The following ARPIN variants were observed in gnomAD, a reference collection of about 807,000 sequenced individuals.
ARPIN encodes the protein actin related protein 2/3 complex inhibitor, also known as UPF0552 protein C15orf38.
In ARPIN, 23 loss-of-function variants were observed where a neutral mutation model predicts 25.9. The ratio of observed to expected loss-of-function variants is 0.89; its 90% CI spans 0.64 to 1.26. ARPIN has a LOEUF of 1.26. ARPIN is among the 50% of genes most tolerant of loss of function. The pLI is 0.00. For missense variants in ARPIN, 333 were observed against 312.2 expected, an observed-to-expected ratio of 1.07 and a Z score of -0.50; for synonymous variants, 126 against 131.4, an observed-to-expected ratio of 0.96 and a Z score of 0.28.
At chr15:89,907,592 C>T (rs1897144959) in intron 3 of ARPIN, among the ~76,000 whole-genome samples, 1 of 152,146 alleles carries the variant, frequency 6.6e-6, no homozygotes, top group South Asian at 2.1e-4. Flanking sequence ...GACACTGAAT[C>T]TGCTGGCACC....
chr15:89,904,750 G>T (rs1326199451), intron 3 of ARPIN, among the ~76,000 whole-genome samples: 2 of 152,182 alleles, frequency 1.3e-5, no homozygotes, highest in Non-Finnish European at 2.9e-5. Context: ...CCTGCGCCAC[G>T]CCAAGCCCAG....
At position 89,912,937 on chromosome 15, in the gene ARPIN, C is replaced by G. The variant is rs1351805942; in HGVS notation, c.-102G>C. The G allele has an allele frequency of 3.7e-6, 5 of 1,367,106 alleles. No individual in the cohort carries two copies. The highest frequency in any genetic ancestry group is 3.8e-6 in the Non-Finnish European group (4 of 1,056,280). 84.7% of individuals were successfully genotyped at this position (1,367,106 alleles called of 1,614,324 possible). A position where few individuals can be genotyped will look rare whatever the true frequency, so the allele number is the denominator to read the frequency against. ...CGCGCGGGGACCCGCGATTCCCAGC[C>G]GGCGGATCCGGGAATGGCGCGGCCC... On this transcript the variant is annotated 5_prime_UTR_variant, in exon 1 of 6. Coordinates refer to ENST00000357484, the MANE Select transcript of ARPIN (RefSeq NM_182616.4).
intron 1 of ARPIN, among the ~76,000 whole-genome samples, chr15:89,911,174 TTAAG>T (rs1275731603): frequency 3.3e-5 from 5 of 152,250 alleles, no homozygotes; most frequent in Non-Finnish European, 5.9e-5. Context: ...TTGTAAGCTA[TTAAG>T]TGATTACTAA....
At chr15:89,902,075 A>G (rs934686889) in intron 5 of ARPIN, among the ~76,000 whole-genome samples, 1 of 152,170 alleles carries the variant, frequency 6.6e-6, no homozygotes, top group African/African-American at 2.4e-5. Flanking sequence ...TCCATTACCT[A>G]GATAAATAGT....
rs1231698727 is a variant in ARPIN at position 89,906,968 on chromosome 15, A to G, written c.301+1312T>C. ...AGACTTTGTCTCAGACAGCAAAAGA[A>G]AAGGAAAAAAAAAAAGTCAAACTCA... On this transcript the variant is annotated intron_variant, in intron 3 of 5. Coordinates refer to ENST00000357484, the MANE Select transcript of ARPIN (RefSeq NM_182616.4). Among the ~76,000 whole-genome samples the G allele has an allele frequency of 2.6e-5, 4 of 151,882 alleles. No individual in the cohort carries two copies. The East Asian group carries it at 7.7e-4, about 29-fold the overall frequency.
Position 89,903,277 on chromosome 15 carries a change from C to T in ARPIN, c.611G>A (p.Cys204Tyr), listed in dbSNP as rs772911979. The change falls in exon 5 of 6, where the codon TGT (cysteine) becomes TAT (tyrosine). Residue 204 changes from cysteine (C) to tyrosine (Y), a missense_variant. Coordinates refer to ENST00000357484, the MANE Select transcript of ARPIN (RefSeq NM_182616.4). ...SWTDNIMAQK[C>Y]SKGAAAEIRE... ...GATCTCCGCTGCAGCCCCCTTCGAA[C>T]ACTTTTGGGCCATGATGTTGTCTGT... 2.5e-6 allele frequency: 4 copies of T among 1,614,120 alleles called. No individual in the cohort carries two copies. The highest frequency in any genetic ancestry group is 1.3e-5 in the African/African-American group (1 of 74,940).
rs28754854 is a variant in ARPIN at position 89,898,026 on chromosome 15, A to T, written c.*3769T>A. 72,935 of 151,098 alleles carry T rather than the reference A, an allele frequency of 0.48. 17,931 individuals carry two copies. Among genetic ancestry groups the T allele is most frequent in the East Asian group, 0.6 (3,092 of 5,112 alleles). 9.4% of individuals were successfully genotyped at this position (151,098 alleles called of 1,614,324 possible). A position where few individuals can be genotyped will look rare whatever the true frequency, so the allele number is the denominator to read the frequency against. On this transcript the variant is annotated 3_prime_UTR_variant, in exon 6 of 6. Coordinates refer to ENST00000357484, the MANE Select transcript of ARPIN (RefSeq NM_182616.4). ...TAATCCTCCTGCTGAGGCAGGAGAAACTCTTGAACCTGGGAGGTGGAGGTT... is the reference window on the plus strand; with the variant it reads ...TAATCCTCCTGCTGAGGCAGGAGAATCTCTTGAACCTGGGAGGTGGAGGTT...
rs761402987 is a variant in ARPIN, at chr15:89,902,199, G to A, written c.673-396C>T. On this transcript the variant is annotated intron_variant, in intron 5 of 5. Coordinates refer to ENST00000357484, the MANE Select transcript of ARPIN (RefSeq NM_182616.4). Reference sequence around the variant, plus strand: ...TGAGGCAGGTGGATCACCCGAGGTCGGGAATTCGAGACCAACCAGCCCAAC... The same window carrying A: ...TGAGGCAGGTGGATCACCCGAGGTCAGGAATTCGAGACCAACCAGCCCAAC... Among the ~76,000 whole-genome samples, 35 of 152,048 alleles carry A rather than the reference G, an allele frequency of 2.3e-4. No homozygotes were observed. In the South Asian group the frequency reaches 3.1e-3, roughly 14 times the overall value.
intron 3 of ARPIN, among the ~76,000 whole-genome samples, chr15:89,904,581 C>G (rs1431431365): frequency 6.6e-6 from 1 of 152,110 alleles, no homozygotes; most frequent in African/African-American, 2.4e-5. Context: ...TCTCTCCTGG[C>G]CCTGGCAGAG....
chr15:89,907,931 A>G (rs1897152430), intron 3 of ARPIN, among the ~76,000 whole-genome samples: 1 of 152,260 alleles, frequency 6.6e-6, no homozygotes, highest in South Asian at 2.1e-4. Context: ...CCCCAGAACC[A>G]AAAGAGGATT....
rs1897023533 is a variant in ARPIN, at chr15:89,901,693, A to T, written c.*102T>A. The T allele has an allele frequency of 7.0e-7, 1 of 1,424,178 alleles. No individual in the cohort carries two copies. The highest frequency in any genetic ancestry group is 1.8e-5 in the Admixed American group (1 of 56,272). The allele number at this position is 1,424,178 out of a possible 1,614,324, so 88.2% of individuals were successfully genotyped here. ...TGGCTATGGGGAAGAACCAGGTAAG[A>T]CTTGGCAGACTGTTCTCTCCAGCTC... On this transcript the variant is annotated 3_prime_UTR_variant, in exon 6 of 6. Transcript: ENST00000357484.
At chr15:89,911,142 A>T (rs1897215623) in intron 1 of ARPIN, among the ~76,000 whole-genome samples, 1 of 152,242 alleles carries the variant, frequency 6.6e-6, no homozygotes, top group South Asian at 2.1e-4. Flanking sequence ...TGTTGACACA[A>T]GATCATGTGT....
chr15:89,903,043 C>T lies in ARPIN; in HGVS notation c.672+173G>A, dbSNP rs1397128537. On this transcript the variant is annotated intron_variant, in intron 5 of 5. Coordinates refer to ENST00000357484, the MANE Select transcript of ARPIN (RefSeq NM_182616.4). The stretch of plus-strand genomic sequence containing the variant: ...AGAAAGGTCCCAGGTTGTCATTCTT[C>T]ATACCTTAGAGGAATTCTCCTGATG... 4.0e-6 allele frequency: 6 copies of T among 1,489,132 alleles called. No homozygotes were observed. In the African/African-American group the frequency reaches 8.3e-5, roughly 21 times the overall value. The allele number at this position is 1,489,132 out of a possible 1,614,324, so 92.2% of individuals were successfully genotyped here.
intron 3 of ARPIN, among the ~76,000 whole-genome samples, chr15:89,907,904 G>A (rs1398040422): frequency 6.6e-6 from 1 of 152,254 alleles, no homozygotes; most frequent in African/African-American, 2.4e-5. Context: ...TTGTTATATA[G>A]CACGCACGGA....
At chr15:89,912,447 G>A in intron 1 of ARPIN, 2 of 1,216,846 alleles carry the variant, frequency 1.6e-6, no homozygotes, top group Non-Finnish European at 1.0e-6. Flanking sequence ...GGGTGGGGCC[G>A]GAGGTCGGCG....
At position 89,895,421 on chromosome 15, in the gene ARPIN, G is replaced by A. The variant is rs891012075; in HGVS notation, c.*6374C>T. 28 of 152,208 alleles carry A rather than the reference G, an allele frequency of 1.8e-4. No homozygotes were observed. Among genetic ancestry groups the A allele is most frequent in the African/African-American group, 2.9e-4 (12 of 41,450 alleles). The allele number at this position is 152,208 out of a possible 1,614,324, so 9.4% of individuals were successfully genotyped here. A position where few individuals can be genotyped will look rare whatever the true frequency, so the allele number is the denominator to read the frequency against. On this transcript the variant is annotated 3_prime_UTR_variant, in exon 6 of 6. Transcript: ENST00000357484. ...GGTGTTTGATCTGTACAGGACCCTG[G>A]AACCACACTGCCCTGATTCAAAGCA...
In ARPIN at chr15:89,910,775, C is replaced by T. The variant is rs750472677; in HGVS notation, c.137G>A (p.Arg46Gln). ...LLEGELIDVS[R>Q]HSILDTHGRK... Reference sequence around the variant, plus strand: ...GCCATGAGTGTCCAAGATGCTGTGCCGAGATACATCGATCAGTTCTCCCTC... The same window carrying T: ...GCCATGAGTGTCCAAGATGCTGTGCTGAGATACATCGATCAGTTCTCCCTC... Residue 46 changes from arginine (R) to glutamine (Q), a missense_variant, in exon 2 of 6, where the codon CGG becomes CAG. By Grantham distance (43) the Arg-to-Gln change is conservative. Coordinates refer to ENST00000357484, the MANE Select transcript of ARPIN (RefSeq NM_182616.4). 4.3e-6 allele frequency: 7 copies of T among 1,614,164 alleles called. No homozygotes were observed. The highest frequency in any genetic ancestry group is 1.7e-5 in the Admixed American group (1 of 60,016).
In ARPIN at chr15:89,900,523, T is replaced by C. The variant is rs922260680; in HGVS notation, c.*1272A>G. 4 of 152,182 alleles carry C rather than the reference T, an allele frequency of 2.6e-5. No homozygotes were observed. Among genetic ancestry groups the C allele is most frequent in the African/African-American group, 9.7e-5 (4 of 41,434 alleles). 9.4% of individuals were successfully genotyped at this position (152,182 alleles called of 1,614,324 possible). A position where few individuals can be genotyped will look rare whatever the true frequency, so the allele number is the denominator to read the frequency against. On this transcript the variant is annotated 3_prime_UTR_variant, in exon 6 of 6. Transcript: ENST00000357484. ...TCTCATGAGAAAATGGGAATAATAA[T>C]CAGTACCTCATGGACTGTTGTGAGA...
chr15:89,912,607 G>C (rs1897245180), intron 1 of ARPIN, 137 bp downstream of exon 1: 1 of 1,351,552 alleles, frequency 7.4e-7, no homozygotes, highest in Non-Finnish European at 9.4e-7. Flanking sequence ...CGGACTGGAG[G>C]GGCGGACTGA....
Sources: allele counts gnomAD v4.1 joint callset (sites outside exome capture counted in the v4.1 genomes callset), GRCh38; gene constraint gnomAD v4.1.1; transcripts MANE v1.5; gene names NCBI Gene and HGNC (gene_info 2026-07-23, HGNC 2026-07-21).